The following MTUS2 variants were observed in gnomAD, a reference collection of about 807,000 sequenced individuals.
MTUS2 encodes microtubule-associated tumor suppressor candidate 2.
A neutral mutation model predicts 114.1 loss-of-function variants in MTUS2; 40 were observed. The ratio of observed to expected loss-of-function variants is 0.35; its 90% CI spans 0.27 to 0.46. The LOEUF (loss-of-function observed/expected upper bound fraction) is 0.46, where lower values mean the gene tolerates loss of function less well. MTUS2 is among the 20% of genes least tolerant of loss of function. The pLI, the probability that MTUS2 is intolerant of heterozygous loss-of-function variation, is 1.00. For synonymous variants in MTUS2, 688 were observed against 672.0 expected (o/e 1.02, Z -0.37); for missense variants, 1,679 against 1,705.4 (o/e 0.98, Z 0.27).
In MTUS2 at chr13:29,242,136, C is replaced by T. The variant is rs1157680105; in HGVS notation, c.2645-39568C>T. 2.6e-5 allele frequency among the ~76,000 whole-genome samples: 4 copies of T among 152,274 alleles called. No homozygotes were observed. The East Asian group carries it at 7.7e-4, about 29-fold the overall frequency. ...AAAATTCACCAGTTTCAGAAGTACACTTCAGTGACTTTTTGTCAATTTACT... is the reference window on the plus strand; with the variant it reads ...AAAATTCACCAGTTTCAGAAGTACATTTCAGTGACTTTTTGTCAATTTACT... On this transcript the variant is annotated intron_variant, in intron 5 of 15. Transcript: ENST00000612955.
intron 6 of MTUS2, among the ~76,000 whole-genome samples, chr13:29,292,991 ATTACT>A (rs1898780734): frequency 6.6e-6 from 1 of 152,214 alleles, no homozygotes; most frequent in South Asian, 2.1e-4. Context: ...ATAATTGACA[ATTACT>A]TTAATTATGT....
At chr13:29,010,816 T>TC (rs1156416856) in intron 2 of MTUS2, among the ~76,000 whole-genome samples, 3 of 152,172 alleles carry the variant, frequency 2.0e-5, no homozygotes, top group African/African-American at 7.2e-5. Flanking sequence ...TGAAACAGAT[T>TC]TATCTGGTCA....
At chr13:29,451,911 A>G (rs1878709730) in intron 9 of MTUS2, among the ~76,000 whole-genome samples, 1 of 152,170 alleles carries the variant, frequency 6.6e-6, no homozygotes, top group Non-Finnish European at 1.5e-5. Flanking sequence ...TTTGAGAGTG[A>G]CAATATAGCT....
chr13:29,271,331 C>A (rs1429184954), intron 5 of MTUS2, among the ~76,000 whole-genome samples: 1 of 152,166 alleles, frequency 6.6e-6, no homozygotes, highest in African/African-American at 2.4e-5. Flanking sequence ...ATCTATCTTT[C>A]TTCCTGAATT....
intron 4 of MTUS2, among the ~76,000 whole-genome samples, chr13:29,084,526 T>G: frequency 2.3e-5 from 1 of 44,106 alleles, no homozygotes; most frequent in South Asian, 1.1e-3. Context: ...TCCCCTCCCC[T>G]CTCCCCCCCT....
chr13:29,410,417 G>A (rs946997226), intron 8 of MTUS2, among the ~76,000 whole-genome samples: 6 of 152,092 alleles, frequency 3.9e-5, no homozygotes, highest in East Asian at 1.9e-4. Flanking sequence ...GTGAGCCACC[G>A]CGCCCAGGCT....
At position 29,313,824 on chromosome 13, in the gene MTUS2, A is replaced by G. The variant is rs1899874960; in HGVS notation, c.2807-10789A>G. On this transcript the variant is annotated intron_variant, in intron 6 of 15. Transcript: ENST00000612955. ...AAGAACTTCCCAAGAGAGCAGACAG[A>G]TCACACACAAAAGGCTGAGATTTAG... Among the ~76,000 whole-genome samples the G allele has an allele frequency of 2.0e-5, 3 of 152,184 alleles. No homozygotes were observed. The South Asian group carries it at 6.2e-4, about 32-fold the overall frequency.
chr13:29,345,580 T>G (rs1336199562), intron 7 of MTUS2, among the ~76,000 whole-genome samples: 1 of 152,058 alleles, frequency 6.6e-6, no homozygotes, highest in Non-Finnish European at 1.5e-5. Flanking sequence ...CATTGTTTTT[T>G]AAGTTGGTAT....
At chr13:28,924,610 C>T (rs1192960902) in intron 2 of MTUS2, among the ~76,000 whole-genome samples, 1 of 152,176 alleles carries the variant, frequency 6.6e-6, no homozygotes, top group Non-Finnish European at 1.5e-5. Flanking sequence ...TGCTGCCCCT[C>T]TGTGTGGATG....
Position 29,396,187 on chromosome 13 carries a change from A to G in MTUS2, c.3117+36714A>G, listed in dbSNP as rs113658791. On this transcript the variant is annotated intron_variant, in intron 8 of 15. Transcript: ENST00000612955. ...TTGTCACGTGGTCTGCATCATCTTT[A>G]TAATCATCTTCTAATCCAAAAAGAA... Among the ~76,000 whole-genome samples, 182 of 152,374 alleles carry G rather than the reference A, an allele frequency of 1.2e-3. 1 individual carries two copies. The East Asian group carries it at 0.027, about 22-fold the overall frequency.
intron 15 of MTUS2, among the ~76,000 whole-genome samples, chr13:29,502,271 C>T (rs1266425316): frequency 6.6e-6 from 1 of 152,232 alleles, no homozygotes; most frequent in Non-Finnish European, 1.5e-5. Context: ...TGTACTTATT[C>T]CTGTCAGTTC....
chr13:29,484,568 G>A (rs73154414), intron 10 of MTUS2, among the ~76,000 whole-genome samples: 3,780 of 152,290 alleles, frequency 0.025, 103 homozygotes, highest in African/African-American at 0.063. Context: ...GCTCTGAGCC[G>A]GTGTCCAGGA....
At chr13:29,192,396 G>A (rs1894483771) in intron 5 of MTUS2, among the ~76,000 whole-genome samples, 1 of 152,180 alleles carries the variant, frequency 6.6e-6, no homozygotes, top group Admixed American at 6.5e-5. Flanking sequence ...GCTGAGAAGA[G>A]TTGGTGAAAG....
intron 5 of MTUS2, among the ~76,000 whole-genome samples, chr13:29,147,265 A>G (rs553499602): frequency 1.1e-3 from 163 of 152,292 alleles, no homozygotes; most frequent in African/African-American, 3.6e-3. Flanking sequence ...GAAAACTTCT[A>G]CAGTTGATAC....
At chr13:29,177,251 G>A (rs1328729551) in intron 5 of MTUS2, among the ~76,000 whole-genome samples, 48 of 150,720 alleles carry the variant, frequency 3.2e-4, no homozygotes, top group Admixed American at 3.2e-3. Flanking sequence ...ATAATAATTT[G>A]GAAGTCAGTA....
chr13:28,819,988 G>A (rs1020191957), upstream of MTUS2, among the ~76,000 whole-genome samples: 3 of 147,124 alleles, frequency 2.0e-5, no homozygotes, highest in Non-Finnish European at 4.5e-5. Context: ...CGGCCGGGAG[G>A]GGGTGCGCGC....
intron 5 of MTUS2, among the ~76,000 whole-genome samples, chr13:29,137,748 C>G (rs560799723): frequency 2.6e-5 from 4 of 151,084 alleles, no homozygotes; most frequent in Admixed American, 2.6e-4. Context: ...TCCCAGGTAG[C>G]TGGGATTACA....
At chr13:28,878,292 TACACACAC>T (rs928041578) in intron 2 of MTUS2, among the ~76,000 whole-genome samples, 1 of 151,268 alleles carries the variant, frequency 6.6e-6, no homozygotes, top group Non-Finnish European at 1.5e-5. Flanking sequence ...TGTATGTGTG[TACACACAC>T]ACACATACAC....
In MTUS2 at chr13:29,050,760, A is replaced by T. The variant is rs148037914; in HGVS notation, c.2446+16635A>T. On this transcript the variant is annotated intron_variant, in intron 4 of 15. Transcript: ENST00000612955. ...TTGAGAATATGCCATGTTGGTTTCC[A>T]CTGGACTCTCAGCTCATCTCATAGT... 2.0e-3 allele frequency among the ~76,000 whole-genome samples: 305 copies of T among 152,312 alleles called. 1 individual carries two copies. The highest frequency in any genetic ancestry group is 8.2e-3 in the Admixed American group (126 of 15,292).
Sources: gnomAD v4.1 joint callset for allele counts (sites outside exome capture counted in the v4.1 genomes callset) on GRCh38, gnomAD v4.1.1 for gene constraint, MANE v1.5 for transcripts, NCBI Gene and HGNC (gene_info 2026-07-23, HGNC 2026-07-21) for gene names.